HCN1: variants seen among roughly 807,000 people sequenced by gnomAD.
HCN1 encodes the protein hyperpolarization activated cyclic nucleotide gated potassium channel 1, also known as potassium/sodium hyperpolarization-activated cyclic nucleotide-gated channel 1.
Under a neutral mutation model 78.9 loss-of-function variants are expected in HCN1, and 13 were observed. The observed-to-expected ratio is 0.16, with a 90% CI of 0.11 to 0.26. The LOEUF (loss-of-function observed/expected upper bound fraction) is 0.26. HCN1 is among the 10% of genes least tolerant of loss of function. The pLI is 1.00. For missense variants in HCN1, 810 were observed against 1,154.3 expected (o/e 0.70, Z 4.32); for synonymous variants, 552 against 455.5 (o/e 1.21, Z -2.70).
intron 3 of HCN1, among the ~76,000 whole-genome samples, chr5:45,449,768 T>G (rs748785372): frequency 3.0e-4 from 45 of 152,340 alleles, no homozygotes; most frequent in Non-Finnish European, 6.3e-4. Context: ...TTTTATGATT[T>G]CCTTTAGAAT....
chr5:45,329,034 C>T (rs1420715465), intron 5 of HCN1, among the ~76,000 whole-genome samples: 1 of 151,590 alleles, frequency 6.6e-6, no homozygotes, highest in Admixed American at 6.6e-5. Flanking sequence ...AAGTGGGAGG[C>T]AGATAGGAGT....
chr5:45,429,847 C>G (rs1740427337), intron 3 of HCN1, among the ~76,000 whole-genome samples: 1 of 151,968 alleles, frequency 6.6e-6, no homozygotes, highest in Non-Finnish European at 1.5e-5. Context: ...GAGATGAGAC[C>G]TTCAAACAAC....
intron 2 of HCN1, among the ~76,000 whole-genome samples, chr5:45,520,427 T>C (rs1742593467): frequency 6.6e-6 from 1 of 152,050 alleles, no homozygotes; most frequent in Non-Finnish European, 1.5e-5. Context: ...TTATGGACAC[T>C]GATTTATGCA....
intron 2 of HCN1, among the ~76,000 whole-genome samples, chr5:45,636,133 C>A (rs1049769044): frequency 6.6e-6 from 1 of 152,110 alleles, no homozygotes; most frequent in Admixed American, 6.6e-5. Context: ...GTACCCCTTT[C>A]CAATGTCCAT....
chr5:45,329,595 G>A (rs764842183), intron 5 of HCN1, among the ~76,000 whole-genome samples: 5 of 151,404 alleles, frequency 3.3e-5, no homozygotes, highest in Non-Finnish European at 5.9e-5. Context: ...TGCCTGAGAA[G>A]TTTATGAAAC....
intron 6 of HCN1, among the ~76,000 whole-genome samples, chr5:45,281,682 G>A (rs554612787): frequency 1.4e-3 from 212 of 147,674 alleles, no homozygotes; most frequent in Non-Finnish European, 1.4e-3. Context: ...CCGCTTCCTG[G>A]GTTCAAGCAA....
intron 5 of HCN1, among the ~76,000 whole-genome samples, chr5:45,308,827 T>C (rs1279814795): frequency 1.3e-5 from 2 of 152,158 alleles, no homozygotes; most frequent in Non-Finnish European, 2.9e-5. Flanking sequence ...TCTTTTTTCT[T>C]AGGATTGTCT....
intron 4 of HCN1, among the ~76,000 whole-genome samples, chr5:45,370,647 A>T (rs1747334571): frequency 1.3e-5 from 2 of 152,072 alleles, no homozygotes; most frequent in South Asian, 4.1e-4. Flanking sequence ...GATAAATATA[A>T]TTTATCATAT....
chr5:45,288,201 A>G (rs2111880004), intron 6 of HCN1, among the ~76,000 whole-genome samples: 1 of 152,164 alleles, frequency 6.6e-6, no homozygotes, highest in Non-Finnish European at 1.5e-5. Context: ...ATCCACGAAA[A>G]AAAGTGGCAG....
intron 6 of HCN1, among the ~76,000 whole-genome samples, chr5:45,284,980 T>G (rs556410342): frequency 6.6e-6 from 1 of 152,176 alleles, no homozygotes; most frequent in East Asian, 1.9e-4. Flanking sequence ...AAGTTTCTAT[T>G]TCATAATGGT....
chr5:45,448,488 T>A (rs1740843577), intron 3 of HCN1, among the ~76,000 whole-genome samples: 1 of 152,228 alleles, frequency 6.6e-6, no homozygotes, highest in Non-Finnish European at 1.5e-5. Context: ...CTAAATGCCA[T>A]TAATGTTTCT....
intron 2 of HCN1, among the ~76,000 whole-genome samples, chr5:45,525,244 A>G (rs952666911): frequency 2.0e-5 from 3 of 151,950 alleles, no homozygotes; most frequent in African/African-American, 7.2e-5. Flanking sequence ...TGAGAAAAAA[A>G]TTATTTAAGA....
At chr5:45,658,726 G>A (rs1253192591) in intron 1 of HCN1, among the ~76,000 whole-genome samples, 18 of 152,026 alleles carry the variant, frequency 1.2e-4, no homozygotes, top group African/African-American at 2.4e-4. Context: ...ACTCCCACCC[G>A]AATATTGCAC....
intron 2 of HCN1, among the ~76,000 whole-genome samples, chr5:45,506,839 G>A (rs1027255498): frequency 1.3e-5 from 2 of 151,946 alleles, no homozygotes; most frequent in Non-Finnish European, 2.9e-5. Context: ...CTGAGAATAG[G>A]AAATTCATGT....
At chr5:45,295,979 A>G (rs898784442) in intron 6 of HCN1, among the ~76,000 whole-genome samples, 76 of 152,138 alleles carry the variant, frequency 5.0e-4, no homozygotes, top group African/African-American at 1.6e-3. Flanking sequence ...CTAAAACTGC[A>G]TGTTGATATT....
At chr5:45,451,204 T>C (rs1311243876) in intron 3 of HCN1, among the ~76,000 whole-genome samples, 2 of 152,142 alleles carry the variant, frequency 1.3e-5, no homozygotes, top group Non-Finnish European at 2.9e-5. Context: ...CTCTCATTTA[T>C]AGGGTTTCTA....
At chr5:45,675,276 C>T (rs1746247515) in intron 1 of HCN1, among the ~76,000 whole-genome samples, 1 of 151,750 alleles carries the variant, frequency 6.6e-6, no homozygotes, top group African/African-American at 2.4e-5. Context: ...CCAGCCAAGT[C>T]CTTTCTCTCA....
At chr5:45,506,329 C>A (rs751829272) in intron 2 of HCN1, among the ~76,000 whole-genome samples, 1 of 152,054 alleles carries the variant, frequency 6.6e-6, no homozygotes, top group Non-Finnish European at 1.5e-5. Context: ...TATCTGTCAG[C>A]TAAATCAGAG....
At chr5:45,636,364 TAATA>T (rs554396123) in intron 2 of HCN1, among the ~76,000 whole-genome samples, 1 of 152,192 alleles carries the variant, frequency 6.6e-6, no homozygotes, top group Non-Finnish European at 1.5e-5. Flanking sequence ...ACTTTCACTC[TAATA>T]GCACACAAAT....
Sources: gnomAD v4.1 joint callset for allele counts (sites outside exome capture counted in the v4.1 genomes callset) on GRCh38, gnomAD v4.1.1 for gene constraint, MANE v1.5 for transcripts, NCBI Gene and HGNC (gene_info 2026-07-23, HGNC 2026-07-21) for gene names.